Variants in SCD5 observed in about 807,000 individuals in gnomAD.
The protein encoded by SCD5 is acyl-CoA-desaturase 4.
SCD5 carries 20 observed loss-of-function variants against 30.4 expected under a neutral mutation model. The ratio of observed to expected loss-of-function variants is 0.66; its 90% CI spans 0.46 to 0.96. The LOEUF (loss-of-function observed/expected upper bound fraction) is 0.96, where lower values mean the gene tolerates loss of function less well. Ranked by LOEUF, SCD5 falls within the 40% of genes least tolerant of loss-of-function variation. The pLI, the probability that SCD5 is intolerant of heterozygous loss-of-function variation, is 0.00. For synonymous variants in SCD5, 173 were observed against 176.4 expected (o/e 0.98, Z 0.16); for missense variants, 381 against 443.3 (o/e 0.86, Z 1.26).
chr4:82,750,726 C>T (rs959021341), intron 1 of SCD5, among the ~76,000 whole-genome samples: 55 of 151,978 alleles, frequency 3.6e-4, no homozygotes, highest in Admixed American at 3.3e-3. Context: ...GAAGCTCTGA[C>T]GAAACGGTCT....
chr4:82,653,044 T>C (rs6822464), intron 3 of SCD5, among the ~76,000 whole-genome samples: 3 of 151,914 alleles, frequency 2.0e-5, no homozygotes, highest in Admixed American at 1.3e-4. Context: ...TCCTGGCTAC[T>C]TGGGGGGACT....
chr4:82,688,884 C>A (rs1406396486), intron 2 of SCD5, among the ~76,000 whole-genome samples: 5 of 152,172 alleles, frequency 3.3e-5, no homozygotes, highest in African/African-American at 1.2e-4. Context: ...TAAAAAACCA[C>A]ATATTTAACA....
intron 1 of SCD5, among the ~76,000 whole-genome samples, chr4:82,787,929 T>C (rs548442599): frequency 4.9e-4 from 74 of 152,258 alleles, no homozygotes; most frequent in African/African-American, 1.8e-3. Flanking sequence ...CCTAGCTACT[T>C]GGGAGGCTGG....
intron 1 of SCD5, among the ~76,000 whole-genome samples, chr4:82,758,250 G>A (rs1721272420): frequency 6.6e-6 from 1 of 152,128 alleles, no homozygotes; most frequent in African/African-American, 2.4e-5. Flanking sequence ...ATCACTTGAG[G>A]CCAGGAGTTG....
chr4:82,747,073 C>CCCCCCCCCCG (rs770301783), intron 1 of SCD5, among the ~76,000 whole-genome samples: 1 of 149,580 alleles, frequency 6.7e-6, no homozygotes, highest in Non-Finnish European at 1.5e-5. Flanking sequence ...CAACCTGCCC[C>CCCCCCCCCCG]CCAAGAAAGA....
At chr4:82,748,344 G>C (rs933620583) in intron 1 of SCD5, among the ~76,000 whole-genome samples, 2 of 152,034 alleles carry the variant, frequency 1.3e-5, no homozygotes, top group African/African-American at 4.8e-5. Flanking sequence ...GGGAGAGGAG[G>C]GGGAGGGGAC....
chr4:82,653,729 G>T (rs1727809518), intron 3 of SCD5, among the ~76,000 whole-genome samples: 2 of 151,876 alleles, frequency 1.3e-5, no homozygotes, highest in South Asian at 2.1e-4. Context: ...GATAGATATA[G>T]ATAGATAGGC....
At chr4:82,781,956 T>C (rs920855805) in intron 1 of SCD5, among the ~76,000 whole-genome samples, 1 of 152,102 alleles carries the variant, frequency 6.6e-6, no homozygotes, top group African/African-American at 2.4e-5. Flanking sequence ...ACCTATGTCA[T>C]GTGGCCACTG....
chr4:82,723,722 G>A (rs780537076), intron 1 of SCD5, among the ~76,000 whole-genome samples: 2 of 152,136 alleles, frequency 1.3e-5, no homozygotes, highest in South Asian at 2.1e-4. Flanking sequence ...GACTCACCTC[G>A]CAGTTTACAG....
chr4:82,734,529 G>T (rs1720707211), intron 1 of SCD5, among the ~76,000 whole-genome samples: 1 of 152,182 alleles, frequency 6.6e-6, no homozygotes, highest in Admixed American at 6.5e-5. Flanking sequence ...ACATAAAGGA[G>T]ATGTAAGGGT....
At chr4:82,726,948 T>C (rs1033696374) in intron 1 of SCD5, among the ~76,000 whole-genome samples, 8 of 152,254 alleles carry the variant, frequency 5.3e-5, no homozygotes, top group Non-Finnish European at 1.0e-4. Flanking sequence ...GAAGGGCACC[T>C]GTCAATTGCT....
chr4:82,664,065 C>G (rs1375657654), intron 3 of SCD5, among the ~76,000 whole-genome samples: 1 of 152,164 alleles, frequency 6.6e-6, no homozygotes, highest in Non-Finnish European at 1.5e-5. Flanking sequence ...CAGAAGTCCA[C>G]CCTTTGTGTA....
At chr4:82,791,111 A>G (rs1203245865) in intron 1 of SCD5, among the ~76,000 whole-genome samples, 1 of 151,940 alleles carries the variant, frequency 6.6e-6, no homozygotes, top group Non-Finnish European at 1.5e-5. Flanking sequence ...GGTGGCATGC[A>G]CCTGTAGTCC....
At chr4:82,725,999 C>G (rs953185170) in intron 1 of SCD5, among the ~76,000 whole-genome samples, 32 of 152,268 alleles carry the variant, frequency 2.1e-4, no homozygotes, top group African/African-American at 7.2e-4. Flanking sequence ...CCTGAAGGGT[C>G]TCCACTGACA....
At chr4:82,634,896 T>C (rs1345681700) in intron 4 of SCD5, among the ~76,000 whole-genome samples, 3 of 152,244 alleles carry the variant, frequency 2.0e-5, no homozygotes, top group Non-Finnish European at 4.4e-5. Context: ...CCTCCTGTTT[T>C]CCAAGGCACT....
chr4:82,708,272 AT>A (rs1720009222), intron 1 of SCD5, among the ~76,000 whole-genome samples: 2 of 152,358 alleles, frequency 1.3e-5, no homozygotes, highest in South Asian at 4.1e-4. Context: ...TAAAGAAACA[AT>A]TACTGAATTC....
intron 1 of SCD5, among the ~76,000 whole-genome samples, chr4:82,764,173 A>G (rs1283407918): frequency 2.0e-5 from 3 of 152,216 alleles, no homozygotes; most frequent in African/African-American, 7.2e-5. Context: ...GTAAATTTAA[A>G]TTAATTTAAT....
At chr4:82,768,003 GA>G (rs1167541502) in intron 1 of SCD5, among the ~76,000 whole-genome samples, 2 of 151,750 alleles carry the variant, frequency 1.3e-5, no homozygotes, top group Non-Finnish European at 2.9e-5. Flanking sequence ...AAACTTACAA[GA>G]AAAAAACAAC....
chr4:82,678,454 C>T (rs531566718), intron 3 of SCD5, among the ~76,000 whole-genome samples: 1 of 152,274 alleles, frequency 6.6e-6, no homozygotes, highest in African/African-American at 2.4e-5. Context: ...GCTCATTTCT[C>T]ATTAATAAAA....
Sources: gnomAD v4.1 joint callset for allele counts (sites outside exome capture counted in the v4.1 genomes callset) on GRCh38, gnomAD v4.1.1 for gene constraint, MANE v1.5 for transcripts, NCBI Gene and HGNC (gene_info 2026-07-23, HGNC 2026-07-21) for gene names.